Variants in ZC4H2 observed in about 807,000 individuals in gnomAD.
The protein encoded by ZC4H2 is zinc finger C4H2 domain-containing protein.
For synonymous variants in ZC4H2, 84 were observed against 66.3 expected (o/e 1.27, Z -1.30); for missense variants, 137 against 173.9 (o/e 0.79, Z 1.19).
At position 64,922,213 on chromosome X, in the gene ZC4H2, C is replaced by T. The variant is rs373547167; in HGVS notation, c.54-225G>A. Reference sequence around the variant, plus strand: ...ATCACTTGAGCCCAGGAGTTTGAAACCAGCATGGGCAACATAGTGAGACCT... The same window carrying T: ...ATCACTTGAGCCCAGGAGTTTGAAATCAGCATGGGCAACATAGTGAGACCT... On this transcript the variant is annotated intron_variant, in intron 1 of 4. Transcript: ENST00000374839. 7.2e-6 allele frequency: 5 copies of T among 692,109 alleles called. No individual in the cohort carries two copies. The African/African-American group carries it at 9.5e-5, about 13-fold the overall frequency. 57.0% of individuals were successfully genotyped at this position (692,109 alleles called of 1,213,427 possible).
intron 1 of ZC4H2, among the ~76,000 whole-genome samples, chrX:64,975,633 G>A (rs1486683631): frequency 1.8e-5 from 2 of 111,366 alleles, no homozygotes; most frequent in Non-Finnish European, 3.8e-5. Context: ...AGGAGCAACC[G>A]TGTAGCGGAC....
At chrX:65,033,076 C>T (rs781282767) in intron 1 of ZC4H2, among the ~76,000 whole-genome samples, 42 of 112,008 alleles carry the variant, frequency 3.7e-4, no homozygotes, top group African/African-American at 1.3e-3. Flanking sequence ...CATGCCTGGC[C>T]CTCCACTAAT....
chrX:64,981,265 T>C (rs764208466), upstream of ZC4H2, among the ~76,000 whole-genome samples: 15 of 110,940 alleles, frequency 1.4e-4, no homozygotes, highest in Non-Finnish European at 2.3e-4. Flanking sequence ...TAGGCAAACA[T>C]TGAGGGTTTT....
At chrX:64,956,093 C>T (rs184285246) in intron 1 of ZC4H2, among the ~76,000 whole-genome samples, 5 of 112,083 alleles carry the variant, frequency 4.5e-5, no homozygotes, top group African/African-American at 1.6e-4. Flanking sequence ...GGCTACACAA[C>T]AGACTTTAAA....
At chrX:64,974,603 T>A (rs766137442) in intron 1 of ZC4H2, among the ~76,000 whole-genome samples, 13 of 111,875 alleles carry the variant, frequency 1.2e-4, no homozygotes, top group Non-Finnish European at 1.9e-4. Context: ...TCTCTTGACA[T>A]CCAGTTTGGA....
intron 1 of ZC4H2, among the ~76,000 whole-genome samples, chrX:64,983,771 A>G (rs1303961634): frequency 8.9e-6 from 1 of 111,919 alleles, no homozygotes; most frequent in Non-Finnish European, 1.9e-5. Context: ...ATTTAACTTA[A>G]AAAAGTTTTG....
At chrX:64,976,964 A>T (rs1316007257), upstream of ZC4H2, among the ~76,000 whole-genome samples, 1 of 109,457 alleles carries the variant, frequency 9.1e-6, no homozygotes, top group Admixed American at 9.7e-5. Flanking sequence ...GGGAGGAGGG[A>T]GATGCTGCAA....
intron 1 of ZC4H2, among the ~76,000 whole-genome samples, chrX:64,997,983 T>G (rs1932452795): frequency 8.9e-6 from 1 of 111,846 alleles, no homozygotes; most frequent in Non-Finnish European, 1.9e-5. Context: ...TGTTATAAAT[T>G]TAGGTTGATA....
chrX:64,999,068 T>TTTTTTTA (rs1555948665), intron 1 of ZC4H2, among the ~76,000 whole-genome samples: 6 of 75,761 alleles, frequency 7.9e-5, no homozygotes, highest in African/African-American at 2.7e-4. Context: ...TTTTTTTTTT[T>TTTTTTTA]AATCTATTCT....
chrX:64,949,492 C>T (rs776332022), intron 1 of ZC4H2, among the ~76,000 whole-genome samples: 13 of 111,473 alleles, frequency 1.2e-4, no homozygotes, highest in South Asian at 3.7e-4. Context: ...TTATATTATG[C>T]GACCTCTAAC....
chrX:64,973,595 A>C (rs1931850604), intron 1 of ZC4H2, among the ~76,000 whole-genome samples: 1 of 110,697 alleles, frequency 9.0e-6, no homozygotes, highest in Non-Finnish European at 1.9e-5. Flanking sequence ...GGAAAGAGAA[A>C]GTCTACTGCA....
chrX:65,029,141 A>T lies in ZC4H2; in HGVS notation c.-272+5488T>A, dbSNP rs986895347. 1.3e-3 allele frequency among the ~76,000 whole-genome samples: 148 copies of T among 111,402 alleles called. 1 individual carries two copies. The highest frequency in any genetic ancestry group is 4.6e-3 in the Middle Eastern group (1 of 217). On this transcript the variant is annotated intron_variant, in intron 1 of 4. Coordinates refer to the ZC4H2 transcript ENST00000337990. ...AGGTTGAAGGAGAAGTGTCCATGAA[A>T]GTTACATAAATAAAAAATATAAAGA...
intron 1 of ZC4H2, among the ~76,000 whole-genome samples, chrX:64,947,679 T>C (rs1930601051): frequency 8.9e-6 from 1 of 111,902 alleles, no homozygotes; most frequent in Admixed American, 9.5e-5. Flanking sequence ...AAACCTAATT[T>C]AGGAGTATGT....
intron 4 of ZC4H2, 129 bp from the exon 5 acceptor site, chrX:64,918,025 T>G (rs1454807857): frequency 2.7e-6 from 2 of 741,081 alleles, no homozygotes; most frequent in Non-Finnish European, 3.8e-6. Flanking sequence ...AATCAGTGAG[T>G]AGACTCAAGT....
At chrX:65,008,696 G>A (rs1932709038) in intron 1 of ZC4H2, among the ~76,000 whole-genome samples, 1 of 112,364 alleles carries the variant, frequency 8.9e-6, no homozygotes, top group African/African-American at 3.2e-5. Context: ...ATTATGTTAA[G>A]TGAGGTAAGT....
At chrX:64,954,170 G>C (rs1370499494) in intron 1 of ZC4H2, among the ~76,000 whole-genome samples, 7 of 103,497 alleles carry the variant, frequency 6.8e-5, no homozygotes, top group Non-Finnish European at 1.4e-4. Context: ...GCCTGTTGTG[G>C]GGTTGGGGGA....
chrX:64,950,154 G>A lies in ZC4H2; in HGVS notation c.53+26171C>T, dbSNP rs774815621. Among the ~76,000 whole-genome samples, 191 of 111,713 alleles carry A rather than the reference G, an allele frequency of 1.7e-3. 2 individuals carry two copies. The highest frequency in any genetic ancestry group is 6.0e-3 in the African/African-American group (185 of 30,766). On this transcript the variant is annotated intron_variant, in intron 1 of 4. Coordinates refer to ENST00000374839, the MANE Select transcript of ZC4H2 (RefSeq NM_018684.4). ...TTGTTCAGTTTCCATGTAGTTGAGC[G>A]GTTTTGAGTGAGTTTCTTAATCCTG...
At chrX:64,945,940 C>T (rs1165114196) in intron 1 of ZC4H2, among the ~76,000 whole-genome samples, 6 of 110,854 alleles carry the variant, frequency 5.4e-5, no homozygotes, top group South Asian at 3.8e-4. Context: ...CCACCAAGCT[C>T]GAGCATCCCA....
At chrX:64,953,520 C>T (rs909755884) in intron 1 of ZC4H2, among the ~76,000 whole-genome samples, 1 of 112,180 alleles carries the variant, frequency 8.9e-6, no homozygotes, top group Non-Finnish European at 1.9e-5. Flanking sequence ...AGGATATGAA[C>T]AGACACTTCT....
Sources: allele counts gnomAD v4.1 joint callset (sites outside exome capture counted in the v4.1 genomes callset), GRCh38; gene constraint gnomAD v4.1.1; transcripts MANE v1.5; gene names NCBI Gene and HGNC (gene_info 2026-07-23, HGNC 2026-07-21).